GABBR1: variants seen among roughly 807,000 people sequenced by gnomAD.
GABBR1 encodes gamma-aminobutyric acid type B receptor subunit 1, also known as GABA-B receptor, R1 subunit.
GABBR1 carries 35 observed loss-of-function variants against 117.7 expected under a neutral mutation model. The ratio of observed to expected loss-of-function variants is 0.30; its 90% CI spans 0.23 to 0.39. GABBR1 has a LOEUF of 0.39. Ranked by LOEUF, GABBR1 falls within the 10% of genes least tolerant of loss-of-function variation. The pLI is 1.00. For synonymous variants in GABBR1, 442 were observed against 486.6 expected (o/e 0.91, Z 1.21); for missense variants, 709 against 1,241.8 (o/e 0.57, Z 6.45).
At position 29,620,889 on chromosome 6, in the gene GABBR1, GT is replaced by G. The variant is rs28383955; in HGVS notation, c.1323+211del. Among the ~76,000 whole-genome samples, 8,039 of 144,718 alleles carry G rather than the reference GT, an allele frequency of 0.056. 321 individuals are homozygous for G. The highest frequency in any genetic ancestry group is 0.14 in the South Asian group (643 of 4,536). 94.9% of individuals were successfully genotyped at this position (144,718 alleles called of 152,430 possible). A position where few individuals can be genotyped will look rare whatever the true frequency, so the allele number is the denominator to read the frequency against. On this transcript the variant is annotated intron_variant, in intron 11 of 22. Coordinates refer to ENST00000377034, the MANE Select transcript of GABBR1 (RefSeq NM_001470.4). This position sits in a 1 kb window ranked among gnomAD's most constrained non-coding sequence, Gnocchi z 4.5. ...AACCTACTGAACATACAACTCCATC[GT>G]TTTTTTTTTTTTCTCTCTCTACCCA...
At chr6:29,625,116 T>G (rs1363411637) in intron 6 of GABBR1, among the ~76,000 whole-genome samples, 1 of 152,158 alleles carries the variant, frequency 6.6e-6, no homozygotes, top group Non-Finnish European at 1.5e-5. Context: ...GGGAAGCTGT[T>G]GGAATCTGAA....
chr6:29,608,460 G>A (rs1277119768), intron 16 of GABBR1, 141 bp downstream of exon 16: 1 of 814,406 alleles, frequency 1.2e-6, no homozygotes, highest in Non-Finnish European at 2.0e-6. Flanking sequence ...AGAACAGAGG[G>A]GTGATGCTAG....
Position 29,618,752 on chromosome 6 carries a change from C to T in GABBR1, c.1323+2349G>A, listed in dbSNP as rs60752649. On this transcript the variant is annotated intron_variant, in intron 11 of 22. Transcript: ENST00000377034. Reference sequence around the variant, plus strand: ...CACATATTGCCCCTAAAGATGTTTTCTCTAAACTAGGGTTTCTCATTCTCT... The same window carrying T: ...CACATATTGCCCCTAAAGATGTTTTTTCTAAACTAGGGTTTCTCATTCTCT... Among the ~76,000 whole-genome samples the T allele has an allele frequency of 1.9e-3, 288 of 152,314 alleles. 1 individual carries two copies. The highest frequency in any genetic ancestry group is 2.7e-3 in the African/African-American group (114 of 41,580).
intron 4 of GABBR1, among the ~76,000 whole-genome samples, chr6:29,629,589 T>C (rs889400527): frequency 6.6e-6 from 1 of 152,080 alleles, no homozygotes; most frequent in African/African-American, 2.4e-5. Flanking sequence ...TTCAGTAGTG[T>C]CATAAGTCCA....
At position 29,632,473 on chromosome 6, in the gene GABBR1, C is replaced by A; in HGVS notation, c.1-88G>T. 2 of 1,145,836 alleles carry A rather than the reference C, an allele frequency of 1.7e-6. No homozygotes were observed. Among genetic ancestry groups the A allele is most frequent in the Non-Finnish European group, 2.3e-6 (2 of 865,474 alleles). The allele number at this position is 1,145,836 out of a possible 1,614,324, so 71.0% of individuals were successfully genotyped here. A position where few individuals can be genotyped will look rare whatever the true frequency, so the allele number is the denominator to read the frequency against. On this transcript the variant is annotated intron_variant, in intron 1 of 22. Coordinates refer to ENST00000377034, the MANE Select transcript of GABBR1 (RefSeq NM_001470.4). The surrounding 1 kb of genome is among the most constrained non-coding windows in gnomAD (Gnocchi z 5.8). Reference sequence around the variant, plus strand: ...CTACTCGACCTCTTGCCGGTTGCCTCGCAGGCTCCGACCGGGCTCAGCCTG... The same window carrying A: ...CTACTCGACCTCTTGCCGGTTGCCTAGCAGGCTCCGACCGGGCTCAGCCTG...
Position 29,620,746 on chromosome 6 carries a change from G to A in GABBR1, c.1323+355C>T, listed in dbSNP as rs936579738. On this transcript the variant is annotated intron_variant, in intron 11 of 22. Coordinates refer to ENST00000377034, the MANE Select transcript of GABBR1 (RefSeq NM_001470.4). This position sits in a 1 kb window ranked among gnomAD's most constrained non-coding sequence, Gnocchi z 4.5. ...AAATGCAATTCTGCCCAGACACAGT[G>A]CTCCTGTAAAGGTGTGCTTGAGTAT... Among the ~76,000 whole-genome samples the A allele has an allele frequency of 6.6e-6, 1 of 152,030 alleles. No homozygotes were observed. The highest frequency in any genetic ancestry group is 1.5e-5 in the Non-Finnish European group (1 of 68,030).
At position 29,621,889 on chromosome 6, in the gene GABBR1, C is replaced by A; in HGVS notation, c.1066-72G>T. The A allele has an allele frequency of 6.7e-7, 1 of 1,485,074 alleles. No homozygotes were observed. 92.0% of individuals were successfully genotyped at this position (1,485,074 alleles called of 1,614,324 possible). On this transcript the variant is annotated intron_variant, in intron 9 of 22. Coordinates refer to ENST00000377034, the MANE Select transcript of GABBR1 (RefSeq NM_001470.4). The surrounding 1 kb of genome is among the most constrained non-coding windows in gnomAD (Gnocchi z 5.0). Reference sequence around the variant, plus strand: ...TGAGGGGCTAAGCCAGATGTCTTCACAGCTTTGATTTCCCATCCCAAAGTG... The same window carrying A: ...TGAGGGGCTAAGCCAGATGTCTTCAAAGCTTTGATTTCCCATCCCAAAGTG...
intron 11 of GABBR1, among the ~76,000 whole-genome samples, chr6:29,617,038 T>C (rs1763205247): frequency 6.7e-6 from 1 of 148,664 alleles, no homozygotes; most frequent in Non-Finnish European, 1.5e-5. Context: ...GATGAATTCA[T>C]ATTCTAATCA....
Position 29,605,195 on chromosome 6 carries a change from C to T in GABBR1, c.2440-207G>A. 3.3e-6 allele frequency: 2 copies of T among 607,878 alleles called. No individual in the cohort carries two copies. The highest frequency in any genetic ancestry group is 5.6e-6 in the Non-Finnish European group (2 of 360,032). 37.7% of individuals were successfully genotyped at this position (607,878 alleles called of 1,614,324 possible). ...CAGTTTTCACTCTTGGTTAACCCCT[C>T]CCCTCAAGGCAGGAACTCCCAGGAT... On this transcript the variant is annotated intron_variant, in intron 20 of 22. Transcript: ENST00000377034. The surrounding 1 kb of genome is among the most constrained non-coding windows in gnomAD (Gnocchi z 4.2).
rs771652779 is a variant in GABBR1, at chr6:29,622,197, G to A, written c.972C>T (p.Asp324=). 8.1e-6 allele frequency: 13 copies of A among 1,613,274 alleles called. No individual in the cohort carries two copies. The highest frequency in any genetic ancestry group is 2.2e-5 in the East Asian group (1 of 44,892). Residue 324 remains aspartate (D), a synonymous_variant, in exon 9 of 23, where the codon GAC becomes GAT. Transcript: ENST00000377034. The surrounding 1 kb of genome is among the most constrained non-coding windows in gnomAD (Gnocchi z 4.6). Reference sequence around the variant, plus strand: ...CCTCCTTCACTCGTTCCTCCAGGTCGTCCAGAGTCTTGGGTGGGAATAAAA... The same window carrying A: ...CCTCCTTCACTCGTTCCTCCAGGTCATCCAGAGTCTTGGGTGGGAATAAAA... ...QTTEVFTSTL[D]DLEERVKEAG...
Position 29,605,121 on chromosome 6 carries a change from A to C in GABBR1, c.2440-133T>G. ...TTCCCTTTGAAAAGGATCCAAATTC[A>C]GGATCATCCTCAAATATAGATTGAG... On this transcript the variant is annotated intron_variant, in intron 20 of 22. Coordinates refer to ENST00000377034, the MANE Select transcript of GABBR1 (RefSeq NM_001470.4). This position sits in a 1 kb window ranked among gnomAD's most constrained non-coding sequence, Gnocchi z 4.2. 1 of 932,944 alleles carries C rather than the reference A, an allele frequency of 1.1e-6. No individual in the cohort carries two copies. Among genetic ancestry groups the C allele is most frequent in the South Asian group, 1.8e-5 (1 of 54,922 alleles). 57.8% of individuals were successfully genotyped at this position (932,944 alleles called of 1,614,324 possible). A position where few individuals can be genotyped will look rare whatever the true frequency, so the allele number is the denominator to read the frequency against.
rs540283789 is a variant in GABBR1 at position 29,621,465 on chromosome 6, T to C, written c.1132-173A>G. 6.6e-6 allele frequency among the ~76,000 whole-genome samples: 1 copy of C among 152,170 alleles called. No individual in the cohort carries two copies. On this transcript the variant is annotated intron_variant, in intron 10 of 22. Coordinates refer to ENST00000377034, the MANE Select transcript of GABBR1 (RefSeq NM_001470.4). This position sits in a 1 kb window ranked among gnomAD's most constrained non-coding sequence, Gnocchi z 5.0. ...AGGCTGACAATTCTTCCTTCTAAGT[T>C]TCTCCCCAGCCCCTGTATTTCTGAG...
At chr6:29,625,241 G>C (rs2127439167) in intron 6 of GABBR1, among the ~76,000 whole-genome samples, 1 of 152,164 alleles carries the variant, frequency 6.6e-6, no homozygotes, top group Admixed American at 6.5e-5. Flanking sequence ...GGGCAACTTT[G>C]TAAATCTTTA....
Position 29,606,848 on chromosome 6 carries a change from C to G in GABBR1, c.2217+49G>C. The stretch of plus-strand genomic sequence containing the variant: ...CACAGCCCCAGGGCCCTGATGGCCA[C>G]TGAGCCCTGCTCATTCTCCTGACCA... On this transcript the variant is annotated intron_variant, in intron 18 of 22. Coordinates refer to ENST00000377034, the MANE Select transcript of GABBR1 (RefSeq NM_001470.4). The surrounding 1 kb of genome is among the most constrained non-coding windows in gnomAD (Gnocchi z 4.5). 1 of 1,521,748 alleles carries G rather than the reference C, an allele frequency of 6.6e-7. No individual in the cohort carries two copies. The highest frequency in any genetic ancestry group is 9.1e-7 in the Non-Finnish European group (1 of 1,097,756). 94.3% of individuals were successfully genotyped at this position (1,521,748 alleles called of 1,614,324 possible).
At chr6:29,619,220 TTCTAAGTC>T (rs747864188) in intron 11 of GABBR1, among the ~76,000 whole-genome samples, 1 of 152,256 alleles carries the variant, frequency 6.6e-6, no homozygotes, top group Non-Finnish European at 1.5e-5. Context: ...TCTGCTTCTT[TTCTAAGTC>T]TCCATGGCTC....
Position 29,624,043 on chromosome 6 carries a change from T to A in GABBR1, c.658-19A>T. 6.2e-7 allele frequency: 1 copy of A among 1,600,488 alleles called. No homozygotes were observed. Among genetic ancestry groups the A allele is most frequent in the South Asian group, 1.1e-5 (1 of 89,636 alleles). On this transcript the variant is annotated intron_variant, in intron 6 of 22. Transcript: ENST00000377034. ...GATCACACTGAAAGACAAGAGGAGA[T>A]GAGGGCAAGCTCTCCTGGGGCCCCT...
rs769044649 is a variant in GABBR1, at chr6:29,609,397, G to A, written c.1709-18C>T. The A allele has an allele frequency of 6.2e-7, 1 of 1,610,862 alleles. No homozygotes were observed. Among genetic ancestry groups the A allele is most frequent in the South Asian group, 1.1e-5 (1 of 91,010 alleles). On this transcript the variant is annotated intron_variant, in intron 14 of 22. Transcript: ENST00000377034. This position sits in a 1 kb window ranked among gnomAD's most constrained non-coding sequence, Gnocchi z 4.3. ...GGACCCTCCTGCATGGCACAGGGGA[G>A]GAAGAGGGGAAGGGAAAAGAGAAGG... is the stretch of plus-strand genomic sequence containing the variant.
Position 29,630,807 on chromosome 6 carries a change from T to C in GABBR1, c.290-164A>G, listed in dbSNP as rs763314350. Among the ~76,000 whole-genome samples the C allele has an allele frequency of 3.8e-4, 58 of 152,160 alleles. No individual in the cohort carries two copies. Among genetic ancestry groups the C allele is most frequent in the Non-Finnish European group, 7.4e-4 (50 of 68,002 alleles). ...ACCTATCTTCCAATCCTCCCTTACC[T>C]GTGCAAGCATCCACACATTCCCAAA... On this transcript the variant is annotated intron_variant, in intron 3 of 22. Transcript: ENST00000377034. The surrounding 1 kb of genome is among the most constrained non-coding windows in gnomAD (Gnocchi z 4.9).
In GABBR1 at chr6:29,627,408, A is replaced by G; in HGVS notation, c.657+78T>C. 1.4e-6 allele frequency: 2 copies of G among 1,421,212 alleles called. No individual in the cohort carries two copies. The highest frequency in any genetic ancestry group is 1.9e-6 in the Non-Finnish European group (2 of 1,043,988). 88.0% of individuals were successfully genotyped at this position (1,421,212 alleles called of 1,614,324 possible). ...TCGCAATCCCAGAGACGACTCAGAC[A>G]GATGGGGGCGCGTGCAGCTGGCTGG... On this transcript the variant is annotated intron_variant, in intron 6 of 22. Transcript: ENST00000377034. The surrounding 1 kb of genome is among the most constrained non-coding windows in gnomAD (Gnocchi z 4.4).
Sources: allele counts gnomAD v4.1 joint callset (sites outside exome capture counted in the v4.1 genomes callset), GRCh38; gene constraint gnomAD v4.1.1; non-coding constraint Gnocchi (gnomAD v3.1); transcripts MANE v1.5; gene names NCBI Gene and HGNC (gene_info 2026-07-23, HGNC 2026-07-21).